The following RAP1B variants were observed in gnomAD, a reference collection of about 807,000 sequenced individuals.
The protein encoded by RAP1B is ras-related protein Rap-1b.
In RAP1B, 1 loss-of-function variant was observed where a neutral mutation model predicts 27.5. The observed-to-expected ratio is 0.04, with a 90% CI of 0.01 to 0.17. The LOEUF (loss-of-function observed/expected upper bound fraction) is 0.17. RAP1B is among the 10% of genes least tolerant of loss of function. The pLI is 1.00. For synonymous variants in RAP1B, 75 were observed against 73.1 expected (o/e 1.03, Z -0.13); for missense variants, 84 against 214.8 (o/e 0.39, Z 3.81).
At chr12:68,643,693 C>T (rs1464571357) in intron 1 of RAP1B, among the ~76,000 whole-genome samples, 1 of 152,070 alleles carries the variant, frequency 6.6e-6, no homozygotes, top group East Asian at 1.9e-4. Flanking sequence ...AGTTGAGTGG[C>T]TAAACTTGGT....
At chr12:68,645,879 A>G (rs1045358016) in intron 1 of RAP1B, among the ~76,000 whole-genome samples, 1 of 152,250 alleles carries the variant, frequency 6.6e-6, no homozygotes, top group African/African-American at 2.4e-5. Flanking sequence ...TACCCTGATA[A>G]TATCCCCAAA....
intron 4 of RAP1B, among the ~76,000 whole-genome samples, chr12:68,653,846 A>G (rs967806027): frequency 1.3e-5 from 2 of 151,488 alleles, no homozygotes; most frequent in African/African-American, 2.4e-5. Context: ...CAGGGGAATC[A>G]CTTGAGCCCG....
chr12:68,661,103 A>G lies in RAP1B; in HGVS notation c.*1854A>G, dbSNP rs1323614334. ...GAGCAATTAATCAGTGATAATATCT[A>G]ATAGAGGGGTATCTGCTAATCCCCT... is the stretch of plus-strand genomic sequence containing the variant. On this transcript the variant is annotated 3_prime_UTR_variant, in exon 8 of 8. Transcript: ENST00000250559. 1 of 152,194 alleles carries G rather than the reference A, an allele frequency of 6.6e-6. No individual in the cohort carries two copies. Among genetic ancestry groups the G allele is most frequent in the Non-Finnish European group, 1.5e-5 (1 of 68,022 alleles). 9.4% of individuals were successfully genotyped at this position (152,194 alleles called of 1,614,324 possible).
rs1035989910 is a variant in RAP1B, at chr12:68,662,961, C to G, written c.*3712C>G. ...AACTGTGTTCGCGCCACTGCACCCCCACGATGGCAATAGAGTGAGACCCTG... is the reference window on the plus strand; with the variant it reads ...AACTGTGTTCGCGCCACTGCACCCCGACGATGGCAATAGAGTGAGACCCTG... On this transcript the variant is annotated 3_prime_UTR_variant, in exon 8 of 8. Coordinates refer to ENST00000250559, the MANE Select transcript of RAP1B (RefSeq NM_001010942.3). 1 of 151,940 alleles carries G rather than the reference C, an allele frequency of 6.6e-6. No individual in the cohort carries two copies. Among genetic ancestry groups the G allele is most frequent in the Non-Finnish European group, 1.5e-5 (1 of 68,002 alleles). 9.4% of individuals were successfully genotyped at this position (151,940 alleles called of 1,614,324 possible). A position where few individuals can be genotyped will look rare whatever the true frequency, so the allele number is the denominator to read the frequency against.
intron 1 of RAP1B, among the ~76,000 whole-genome samples, chr12:68,624,161 A>G (rs1871585187): frequency 6.6e-6 from 1 of 152,206 alleles, no homozygotes; most frequent in Non-Finnish European, 1.5e-5. Context: ...CCTCTTTGCC[A>G]AGGAATTGTT....
At chr12:68,651,132 G>A (rs1248562648) in intron 3 of RAP1B, among the ~76,000 whole-genome samples, 1 of 152,204 alleles carries the variant, frequency 6.6e-6, no homozygotes, top group Non-Finnish European at 1.5e-5. Flanking sequence ...GTAGCGTGAT[G>A]TTCCACACAT....
At chr12:68,624,064 A>C (rs935513392) in intron 1 of RAP1B, among the ~76,000 whole-genome samples, 2 of 152,164 alleles carry the variant, frequency 1.3e-5, no homozygotes, top group Admixed American at 6.5e-5. Flanking sequence ...ATTGGTTTCA[A>C]ATGAGTTAAA....
chr12:68,659,196 T>A (rs557135212), intron 7 of RAP1B, 84 bp from the exon 8 acceptor site: 1 of 453,054 alleles, frequency 2.2e-6, no homozygotes, highest in African/African-American at 2.0e-5. Context: ...TCTAACACTT[T>A]TAAGACTGTT....
At chr12:68,621,912 A>G (rs1331691571) in intron 1 of RAP1B, among the ~76,000 whole-genome samples, 1 of 152,220 alleles carries the variant, frequency 6.6e-6, no homozygotes, top group African/African-American at 2.4e-5. Flanking sequence ...CTGGACCTTC[A>G]GGTACTCAAA....
chr12:68,643,684 G>A (rs1015507109), intron 1 of RAP1B, among the ~76,000 whole-genome samples: 8 of 152,062 alleles, frequency 5.3e-5, no homozygotes, highest in Non-Finnish European at 8.8e-5. Context: ...TACTCTATGA[G>A]TTGAGTGGCT....
chr12:68,634,586 T>TTA (rs11389259), intron 1 of RAP1B, among the ~76,000 whole-genome samples: 74 of 117,506 alleles, frequency 6.3e-4, no homozygotes, highest in East Asian at 1.8e-3. Context: ...TATATTATTA[T>TTA]TTTTTTTTTT....
At chr12:68,642,662 A>G (rs1055658677) in intron 1 of RAP1B, 20 of 1,137,574 alleles carry the variant, frequency 1.8e-5, no homozygotes, top group African/African-American at 3.0e-5. Context: ...CTCATATTCT[A>G]CAATCCTGGC....
intron 5 of RAP1B, among the ~76,000 whole-genome samples, chr12:68,654,623 G>A (rs1320725224): frequency 2.0e-5 from 3 of 151,756 alleles, no homozygotes; most frequent in Non-Finnish European, 4.4e-5. Flanking sequence ...GACTACAGGC[G>A]CCTGCCACCA....
chr12:68,655,347 T>A (rs1874127102), intron 5 of RAP1B, among the ~76,000 whole-genome samples: 1 of 152,084 alleles, frequency 6.6e-6, no homozygotes, highest in Non-Finnish European at 1.5e-5. Flanking sequence ...AGACTCATTG[T>A]ACTGCAGTTT....
chr12:68,618,472 AT>A (rs1033137751), intron 1 of RAP1B, among the ~76,000 whole-genome samples: 6 of 152,196 alleles, frequency 3.9e-5, no homozygotes, highest in African/African-American at 1.4e-4. Flanking sequence ...GTGAGTTTTG[AT>A]TAGTGTAACA....
intron 1 of RAP1B, among the ~76,000 whole-genome samples, chr12:68,631,257 C>G (rs1425392668): frequency 6.6e-6 from 1 of 152,040 alleles, no homozygotes; most frequent in African/African-American, 2.4e-5. Context: ...CTTAACTATC[C>G]TTATGTCACT....
chr12:68,636,125 T>A (rs1319244976), intron 1 of RAP1B, among the ~76,000 whole-genome samples: 1 of 152,018 alleles, frequency 6.6e-6, no homozygotes, highest in Non-Finnish European at 1.5e-5. Context: ...CCTCAAGTGA[T>A]CTGCCCGCCT....
intron 1 of RAP1B, among the ~76,000 whole-genome samples, chr12:68,621,718 A>G (rs1265095246): frequency 1.3e-5 from 2 of 152,210 alleles, no homozygotes; most frequent in Non-Finnish European, 2.9e-5. Context: ...TAAACTCAAC[A>G]TTGAAAAACA....
At chr12:68,647,244 G>A (rs1170161687) in intron 1 of RAP1B, among the ~76,000 whole-genome samples, 1 of 151,914 alleles carries the variant, frequency 6.6e-6, no homozygotes, top group African/African-American at 2.4e-5. Flanking sequence ...TGTAGAAACA[G>A]GGTTTTGAAG....
Sources: gnomAD v4.1 joint callset for allele counts (sites outside exome capture counted in the v4.1 genomes callset) on GRCh38, gnomAD v4.1.1 for gene constraint, MANE v1.5 for transcripts, NCBI Gene and HGNC (gene_info 2026-07-23, HGNC 2026-07-21) for gene names.